Variants in GNS observed in about 807,000 individuals in gnomAD.
GNS encodes N-acetylglucosamine-6-sulfatase.
Under a neutral mutation model 69.7 loss-of-function variants are expected in GNS, and 40 were observed. The observed-to-expected ratio is 0.57, with a 90% confidence interval of 0.45 to 0.75. The LOEUF (loss-of-function observed/expected upper bound fraction) is 0.75. GNS is among the 30% of genes least tolerant of loss of function. The pLI is 0.00. For missense variants in GNS, 565 were observed against 685.5 expected (o/e 0.82, Z 1.96); for synonymous variants, 243 against 251.6 (o/e 0.97, Z 0.32).
chr12:64,745,765 A>G (rs1200893456), intron 3 of GNS, 41 bp from the exon 4 acceptor site: 2 of 1,206,128 alleles, frequency 1.7e-6, no homozygotes, highest in East Asian at 4.6e-5. Flanking sequence ...AAGTCCTTAG[A>G]TATGACCAGA....
chr12:64,721,794 T>A, intron 11 of GNS, 89 bp from the exon 12 acceptor site: 1 of 774,384 alleles, frequency 1.3e-6, no homozygotes, highest in Non-Finnish European at 2.3e-6. Flanking sequence ...GCTTGGCTCA[T>A]GCCGGACATG....
chr12:64,752,896 T>C lies in GNS; in HGVS notation c.193-139A>G, dbSNP rs1147095. 389,070 of 668,806 alleles carry C rather than the reference T, an allele frequency of 0.58. 116,675 individuals carry two copies. The highest frequency in any genetic ancestry group is 0.87 in the East Asian group (32,024 of 36,780). 41.4% of individuals were successfully genotyped at this position (668,806 alleles called of 1,614,324 possible). A position where few individuals can be genotyped will look rare whatever the true frequency, so the allele number is the denominator to read the frequency against. Reference sequence around the variant, plus strand: ...CTCTAAGCAACAGCCAAAGAGAGTCTTGTATGATTCTAGAGACAAGTTTGG... The same window carrying C: ...CTCTAAGCAACAGCCAAAGAGAGTCCTGTATGATTCTAGAGACAAGTTTGG... On this transcript the variant is annotated intron_variant, in intron 1 of 13. Transcript: ENST00000258145.
rs1280102427 is a variant in GNS at position 64,714,785 on chromosome 12, G to C, written c.*1956C>G. Reference sequence around the variant, plus strand: ...ACTATGGTCAACTTTCATTAATGTGGAAGTTGACTGATAATGTTAAGAGTC... The same window carrying C: ...ACTATGGTCAACTTTCATTAATGTGCAAGTTGACTGATAATGTTAAGAGTC... On this transcript the variant is annotated 3_prime_UTR_variant, in exon 14 of 14. Coordinates refer to ENST00000258145, the MANE Select transcript of GNS (RefSeq NM_002076.4). 1 of 152,394 alleles carries C rather than the reference G, an allele frequency of 6.6e-6. No individual in the cohort carries two copies. The highest frequency in any genetic ancestry group is 1.5e-5 in the Non-Finnish European group (1 of 68,006). 9.4% of individuals were successfully genotyped at this position (152,394 alleles called of 1,614,324 possible).
chr12:64,740,605 C>T lies in GNS; in HGVS notation c.875+1G>A, dbSNP rs1214781989. 6.7e-7 allele frequency: 1 copy of T among 1,501,672 alleles called. No homozygotes were observed. Among genetic ancestry groups the T allele is most frequent in the Admixed American group, 1.7e-5 (1 of 59,884 alleles). 93.0% of individuals were successfully genotyped at this position (1,501,672 alleles called of 1,614,324 possible). A position where few individuals can be genotyped will look rare whatever the true frequency, so the allele number is the denominator to read the frequency against. On this transcript the variant is annotated splice_donor_variant, in intron 7 of 13. Coordinates refer to ENST00000258145, the MANE Select transcript of GNS (RefSeq NM_002076.4). LOFTEE classifies it high-confidence loss of function. The stretch of plus-strand genomic sequence containing the variant: ...GATTGTTATGTAGCAGCAGCTCTTA[C>T]CTTTTCCTAAATGCATTATCTAAAA...
chr12:64,720,283 A>AT, intron 12 of GNS, 101 bp from the exon 13 acceptor site: 3 of 783,246 alleles, frequency 3.8e-6, no homozygotes, highest in South Asian at 1.4e-5. Context: ...GAGGAGGTAG[A>AT]TTAAAAAAAA....
In GNS at chr12:64,736,229, C is replaced by T. The variant is rs1869552390; in HGVS notation, c.1098+775G>A. Among the ~76,000 whole-genome samples, 4 of 152,258 alleles carry T rather than the reference C, an allele frequency of 2.6e-5. No individual in the cohort carries two copies. The South Asian group carries it at 8.3e-4, about 32-fold the overall frequency. The stretch of plus-strand genomic sequence containing the variant: ...CATGACTGCTAGGAACAAAGTGCCT[C>T]AGCATTAGGTACCACGTTTAGAAAA... On this transcript the variant is annotated intron_variant, in intron 9 of 13. Transcript: ENST00000258145.
intron 2 of GNS, among the ~76,000 whole-genome samples, chr12:64,749,409 C>A (rs139651116): frequency 1.2e-3 from 178 of 148,126 alleles, no homozygotes; most frequent in Non-Finnish European, 1.7e-3. Context: ...CCCGCCACCA[C>A]GCCCGGCTAA....
chr12:64,748,455 C>T (rs1443632961), intron 2 of GNS, among the ~76,000 whole-genome samples: 1 of 151,952 alleles, frequency 6.6e-6, no homozygotes, highest in African/African-American at 2.4e-5. Context: ...GTGATCCTTC[C>T]ACCTTGGCCT....
intron 10 of GNS, among the ~76,000 whole-genome samples, chr12:64,724,493 G>A (rs1314668315): frequency 2.6e-5 from 4 of 152,172 alleles, no homozygotes; most frequent in Admixed American, 2.6e-4. Context: ...CTAACTTGTT[G>A]TTCTACAATG....
intron 4 of GNS, 49 bp downstream of exon 4, chr12:64,745,610 G>A (rs764220783): frequency 3.9e-5 from 38 of 972,068 alleles, no homozygotes; most frequent in Non-Finnish European, 6.4e-5. Flanking sequence ...AACATATTCT[G>A]CATCTGTAGG....
At chr12:64,741,432 T>C (rs1284089296) in intron 6 of GNS, among the ~76,000 whole-genome samples, 2 of 151,816 alleles carry the variant, frequency 1.3e-5, no homozygotes, top group Admixed American at 1.3e-4. Flanking sequence ...ATTACAGGCG[T>C]GCACCAACAT....
chr12:64,754,895 A>G (rs1198889443), intron 1 of GNS, among the ~76,000 whole-genome samples: 2 of 150,842 alleles, frequency 1.3e-5, no homozygotes, highest in African/African-American at 5.0e-5. Flanking sequence ...GTCTCCAAAA[A>G]AAAAAAAAAG....
Position 64,714,800 on chromosome 12 carries a change from T to C in GNS, c.*1941A>G, listed in dbSNP as rs1394021266. ...CATTAATGTGGAAGTTGACTGATAA[T>C]GTTAAGAGTCAAAGTGAAAAAGAAA... is the stretch of plus-strand genomic sequence containing the variant. On this transcript the variant is annotated 3_prime_UTR_variant, in exon 14 of 14. Coordinates refer to ENST00000258145, the MANE Select transcript of GNS (RefSeq NM_002076.4). 6.6e-6 allele frequency: 1 copy of C among 152,532 alleles called. No homozygotes were observed. The highest frequency in any genetic ancestry group is 2.1e-4 in the South Asian group (1 of 4,836). The allele number at this position is 152,532 out of a possible 1,614,324, so 9.4% of individuals were successfully genotyped here.
At chr12:64,757,323 A>G (rs1870282113) in intron 1 of GNS, among the ~76,000 whole-genome samples, 1 of 152,258 alleles carries the variant, frequency 6.6e-6, no homozygotes, top group Non-Finnish European at 1.5e-5. Flanking sequence ...TTTGTTTTCA[A>G]CACCTAAAAA....
In GNS at chr12:64,716,407, G is replaced by A. The variant is rs886049771; in HGVS notation, c.*334C>T. On this transcript the variant is annotated 3_prime_UTR_variant, in exon 14 of 14. Transcript: ENST00000258145. ...CTAAAGTACTGCCATTTATCTGAATGGGTTTACAAATTCAGTCTTTAACCA... is the reference window on the plus strand; with the variant it reads ...CTAAAGTACTGCCATTTATCTGAATAGGTTTACAAATTCAGTCTTTAACCA... 2.7e-6 allele frequency: 1 copy of A among 376,774 alleles called. No individual in the cohort carries two copies. Among genetic ancestry groups the A allele is most frequent in the Non-Finnish European group, 5.1e-6 (1 of 196,566 alleles). The allele number at this position is 376,774 out of a possible 1,614,324, so 23.3% of individuals were successfully genotyped here.
At chr12:64,756,007 AAC>A (rs1870239777) in intron 1 of GNS, among the ~76,000 whole-genome samples, 1 of 152,200 alleles carries the variant, frequency 6.6e-6, no homozygotes, top group South Asian at 2.1e-4. Flanking sequence ...TTCTGTGAAG[AAC>A]AGTGTGTCCA....
chr12:64,750,158 T>C (rs1442722515), intron 2 of GNS, among the ~76,000 whole-genome samples: 1 of 152,108 alleles, frequency 6.6e-6, no homozygotes, highest in Non-Finnish European at 1.5e-5. Flanking sequence ...GCAATTCTAA[T>C]GCCTCAGCCT....
rs1389147794 is a variant in GNS, at chr12:64,747,794, A to T, written c.377T>A (p.Ile126Asn). ...TGCTGGGAAAGTATTTGGTTCTTGG[A>T]TCTTCTGCCAGGACTTACTACTGCA... ...GNCSSKSWQK[I>N]QEPNTFPAIL... The change falls in exon 3 of 14, where the codon ATC (isoleucine) becomes AAC (asparagine). Residue 126 changes from isoleucine to asparagine, a missense_variant. Physicochemically the swap from Ile to Asn is moderately radical, Grantham distance 149. Around this residue, in one of 2 missense-constraint regions of GNS, gnomAD observed 181 missense variants for 174.4 expected, o/e 1.04. Transcript: ENST00000258145. 6.2e-7 allele frequency: 1 copy of T among 1,612,372 alleles called. No homozygotes were observed. The highest frequency in any genetic ancestry group is 2.2e-5 in the East Asian group (1 of 44,878).
intron 2 of GNS, among the ~76,000 whole-genome samples, chr12:64,752,277 C>T (rs1040427312): frequency 4.6e-5 from 7 of 152,170 alleles, no homozygotes; most frequent in African/African-American, 1.4e-4. Flanking sequence ...TGGTTATGTA[C>T]ATGGTTCTTG....
Sources: gnomAD v4.1 joint callset for allele counts (sites outside exome capture counted in the v4.1 genomes callset) on GRCh38, gnomAD v4.1.1 for gene constraint, gnomAD v4.1.1 regional missense constraint, MANE v1.5 for transcripts, NCBI Gene and HGNC (gene_info 2026-07-23, HGNC 2026-07-21) for gene names.